Variants in RBFOX1 observed in about 807,000 individuals in gnomAD.
The protein encoded by RBFOX1 is RNA binding protein fox-1 homolog 1.
Under a neutral mutation model 57.7 loss-of-function variants are expected in RBFOX1, and 8 were observed. The ratio of observed to expected loss-of-function variants is 0.14; its 90% CI spans 0.08 to 0.25. The LOEUF is 0.25. Ranked by LOEUF, RBFOX1 falls within the 10% of genes least tolerant of loss-of-function variation. RBFOX1 has a pLI of 1.00. For synonymous variants in RBFOX1, 326 were observed against 222.4 expected (o/e 1.47, Z -4.15); for missense variants, 611 against 548.5 (o/e 1.11, Z -1.14).
intron 14 of RBFOX1, among the ~76,000 whole-genome samples, chr16:7,707,064 C>T (rs568457553): frequency 8.1e-4 from 123 of 152,294 alleles, no homozygotes; most frequent in African/African-American, 2.8e-3. Flanking sequence ...GTCAGTTTCA[C>T]TGACAGATTC....
intron 3 of RBFOX1, among the ~76,000 whole-genome samples, chr16:6,966,895 CCA>C (rs1680995227): frequency 2.0e-4 from 2 of 10,214 alleles, no homozygotes; most frequent in East Asian, 2.3e-3. Flanking sequence ...ATTCATCTCT[CCA>C]TCCATCCATC....
At chr16:5,819,700 C>G (rs963944623) in intron 3 of RBFOX1, among the ~76,000 whole-genome samples, 5 of 152,182 alleles carry the variant, frequency 3.3e-5, no homozygotes, top group African/African-American at 1.2e-4. Flanking sequence ...CCTGGAATAC[C>G]CTTTCCCTCT....
intron 4 of RBFOX1, among the ~76,000 whole-genome samples, chr16:7,315,723 G>A (rs2096423246): frequency 6.6e-6 from 1 of 151,950 alleles, no homozygotes; most frequent in Admixed American, 6.6e-5. Context: ...TTTGGACTCG[G>A]AAAGCAGGTG....
At chr16:7,274,420 A>G (rs145803946) in intron 4 of RBFOX1, among the ~76,000 whole-genome samples, 128 of 152,276 alleles carry the variant, frequency 8.4e-4, no homozygotes, top group African/African-American at 3.0e-3. Flanking sequence ...CCTCTCACAC[A>G]CACACCACAC....
chr16:6,702,479 G>A (rs141092888), intron 3 of RBFOX1, among the ~76,000 whole-genome samples: 58 of 152,084 alleles, frequency 3.8e-4, no homozygotes, highest in African/African-American at 1.1e-3. Context: ...GCTTGAGCCC[G>A]GGAGGCAGAG....
intron 1 of RBFOX1, among the ~76,000 whole-genome samples, chr16:5,265,161 C>T (rs1277448888): frequency 1.3e-5 from 2 of 152,182 alleles, no homozygotes; most frequent in African/African-American, 4.8e-5. Context: ...TAGAGAACTA[C>T]AGTGTGGGAT....
intron 4 of RBFOX1, among the ~76,000 whole-genome samples, chr16:7,256,992 G>C (rs958511046): frequency 6.6e-6 from 1 of 152,058 alleles, no homozygotes; most frequent in Non-Finnish European, 1.5e-5. Context: ...TCTGTTACTC[G>C]TTCTGATCCT....
intron 3 of RBFOX1, among the ~76,000 whole-genome samples, chr16:6,708,698 T>A (rs1005616920): frequency 6.6e-6 from 1 of 152,226 alleles, no homozygotes; most frequent in African/African-American, 2.4e-5. Context: ...AAATCATTAG[T>A]ATAATTACAC....
intron 3 of RBFOX1, among the ~76,000 whole-genome samples, chr16:5,630,523 G>A (rs1437574217): frequency 6.6e-6 from 1 of 152,122 alleles, no homozygotes; most frequent in Non-Finnish European, 1.5e-5. Context: ...CCCACCATCT[G>A]ATTACAAAAG....
chr16:7,404,333 A>T (rs1365179830), intron 4 of RBFOX1, among the ~76,000 whole-genome samples: 1 of 152,140 alleles, frequency 6.6e-6, no homozygotes, highest in Non-Finnish European at 1.5e-5. Flanking sequence ...GATTCCAGGC[A>T]TAAGCCACCG....
chr16:7,706,787 T>A (rs1350625155), intron 14 of RBFOX1, among the ~76,000 whole-genome samples: 1 of 152,284 alleles, frequency 6.6e-6, no homozygotes, highest in East Asian at 1.9e-4. Context: ...CTTCATTCCC[T>A]CATGAAATAA....
intron 4 of RBFOX1, among the ~76,000 whole-genome samples, chr16:5,885,893 C>T (rs893515054): frequency 2.6e-5 from 4 of 152,024 alleles, no homozygotes; most frequent in Non-Finnish European, 4.4e-5. Flanking sequence ...ACCCAAATCT[C>T]GTGTTGAATT....
At chr16:7,278,327 G>A (rs150287901) in intron 4 of RBFOX1, among the ~76,000 whole-genome samples, 13 of 152,272 alleles carry the variant, frequency 8.5e-5, no homozygotes, top group African/African-American at 2.9e-4. Context: ...ACCTCCTTCA[G>A]TGTCTCTAGA....
At chr16:7,133,985 T>A (rs981568929) in intron 4 of RBFOX1, among the ~76,000 whole-genome samples, 1 of 152,212 alleles carries the variant, frequency 6.6e-6, no homozygotes, top group African/African-American at 2.4e-5. Context: ...CTCTGCGGCA[T>A]TCAATTCTAA....
chr16:6,892,522 T>C (rs1011880734), intron 3 of RBFOX1, among the ~76,000 whole-genome samples: 2 of 151,952 alleles, frequency 1.3e-5, no homozygotes, highest in Non-Finnish European at 1.5e-5. Flanking sequence ...ATACAAAAAT[T>C]AGCTGCGCAT....
intron 3 of RBFOX1, among the ~76,000 whole-genome samples, chr16:7,015,536 T>G (rs2093867687): frequency 1.3e-5 from 2 of 152,198 alleles, no homozygotes; most frequent in African/African-American, 4.8e-5. Context: ...AAGCATCAAT[T>G]AATTCTCAGG....
At chr16:7,416,106 G>A (rs1045415411) in intron 4 of RBFOX1, among the ~76,000 whole-genome samples, 4 of 152,064 alleles carry the variant, frequency 2.6e-5, no homozygotes, top group East Asian at 3.9e-4. Flanking sequence ...AATCTGAAAC[G>A]ATTGCTCCCA....
intron 3 of RBFOX1, among the ~76,000 whole-genome samples, chr16:5,846,745 C>A (rs1236853051): frequency 6.6e-6 from 1 of 152,212 alleles, no homozygotes; most frequent in Non-Finnish European, 1.5e-5. Flanking sequence ...TGCTCCACTT[C>A]ACAGTCTTTG....
chr16:6,503,204 CA>C (rs33940225), intron 2 of RBFOX1, among the ~76,000 whole-genome samples: 82,165 of 151,784 alleles, frequency 0.54, 22,907 homozygotes, highest in East Asian at 0.62. Context: ...GTTTTCATAA[CA>C]TTTTTTTAAT....
Sources: allele counts gnomAD v4.1 joint callset (sites outside exome capture counted in the v4.1 genomes callset), GRCh38; gene constraint gnomAD v4.1.1; transcripts MANE v1.5; gene names NCBI Gene and HGNC (gene_info 2026-07-23, HGNC 2026-07-21).